The following LNPK variants were observed in gnomAD, a reference collection of about 807,000 sequenced individuals.
LNPK encodes the protein lunapark, ER junction formation factor, also known as endoplasmic reticulum junction formation protein lunapark.
Under a neutral mutation model 55.2 loss-of-function variants are expected in LNPK, and 29 were observed. The ratio of observed to expected loss-of-function variants is 0.53; its 90% CI spans 0.39 to 0.72. LNPK has a LOEUF of 0.72. LNPK is among the 30% of genes least tolerant of loss of function. The probability of loss-of-function intolerance (pLI) is 0.00; values close to 1 mark genes in which losing one functional copy is unlikely to be tolerated. For missense variants in LNPK, 467 were observed against 494.8 expected (o/e 0.94, Z 0.53); for synonymous variants, 162 against 168.2 (o/e 0.96, Z 0.29).
intron 1 of LNPK, among the ~76,000 whole-genome samples, chr2:175,996,960 T>A (rs533284203): frequency 3.9e-5 from 6 of 152,206 alleles, no homozygotes; most frequent in Non-Finnish European, 1.5e-5. Flanking sequence ...TAAAACTACT[T>A]CTTTTCCACC....
chr2:175,968,993 G>C (rs1453720794), intron 6 of LNPK, among the ~76,000 whole-genome samples: 2 of 151,648 alleles, frequency 1.3e-5, no homozygotes, highest in Non-Finnish European at 2.9e-5. Context: ...ACTCCTGCCT[G>C]GGCAACAAGA....
chr2:175,985,893 G>C (rs1285706499), intron 4 of LNPK, among the ~76,000 whole-genome samples: 2 of 152,216 alleles, frequency 1.3e-5, no homozygotes, highest in Non-Finnish European at 2.9e-5. Flanking sequence ...CAAAACTATG[G>C]ATGAAGGAAA....
At chr2:175,959,154 T>C (rs1685869111) in intron 8 of LNPK, among the ~76,000 whole-genome samples, 1 of 152,162 alleles carries the variant, frequency 6.6e-6, no homozygotes, top group Non-Finnish European at 1.5e-5. Flanking sequence ...CAGGATATTA[T>C]CCAGGAGAAC....
Position 175,947,465 on chromosome 2 carries a change from A to T in LNPK, c.706+15T>A. 6.3e-7 allele frequency: 1 copy of T among 1,598,320 alleles called. No homozygotes were observed. Among genetic ancestry groups the T allele is most frequent in the Non-Finnish European group, 8.6e-7 (1 of 1,167,038 alleles). On this transcript the variant is annotated intron_variant, in intron 9 of 12. Coordinates refer to ENST00000272748, the MANE Select transcript of LNPK (RefSeq NM_030650.3). ...AACAATATAAACTGTAAATAACATT[A>T]AGTGCTCTGTTTACCCATTCCAGGC...
chr2:176,002,615 A>G (rs1339811193), upstream of LNPK: 1 of 189,476 alleles, frequency 5.3e-6, no homozygotes, highest in African/African-American at 2.4e-5. Context: ...CGCGCGAGCG[A>G]AGAGTGGGGA....
At chr2:175,971,987 C>T (rs1397612381) in intron 5 of LNPK, among the ~76,000 whole-genome samples, 5 of 152,084 alleles carry the variant, frequency 3.3e-5, no homozygotes, top group Admixed American at 6.6e-5. Flanking sequence ...GGCATGATCT[C>T]GGCTCACTGC....
In LNPK at chr2:175,946,279, TCATTA is replaced by T. The variant is rs576218475; in HGVS notation, c.706+1196_706+1200del. ...TACATTCGCACCCAAAAAAGTTCTT[TCATTA>T]AACAACCAGGAATTTTAATTTACAA... On this transcript the variant is annotated intron_variant, in intron 9 of 12. Transcript: ENST00000272748. 2.0e-5 allele frequency among the ~76,000 whole-genome samples: 3 copies of T among 152,258 alleles called. No individual in the cohort carries two copies. The South Asian group carries it at 6.2e-4, about 32-fold the overall frequency.
At chr2:175,951,540 C>T (rs527289052) in intron 8 of LNPK, among the ~76,000 whole-genome samples, 37 of 142,374 alleles carry the variant, frequency 2.6e-4, no homozygotes, top group African/African-American at 8.8e-4. Context: ...ACTGTGAATG[C>T]TGTTAATTCA....
chr2:175,978,289 G>T (rs1411703697), intron 5 of LNPK, among the ~76,000 whole-genome samples: 2 of 152,134 alleles, frequency 1.3e-5, no homozygotes, highest in African/African-American at 4.8e-5. Context: ...AGGAGGATGT[G>T]TAGGTTACAT....
chr2:175,949,039 T>C (rs1039500207), intron 8 of LNPK, among the ~76,000 whole-genome samples: 3 of 152,194 alleles, frequency 2.0e-5, no homozygotes, highest in African/African-American at 7.2e-5. Flanking sequence ...TGAATACTTA[T>C]TTCAGATGAC....
rs533299897 is a variant in LNPK at position 175,947,690 on chromosome 2, T to C, written c.496A>G (p.Ile166Val). The stretch of plus-strand genomic sequence containing the variant: ...CTTTGAGCTGCAGTTCGCTGACGAA[T>C]CTCTGAGAAGAGTAAGTACATACTA... ...AAVTARPGQEIRQRTAAQRNL... is the reference protein window; with the variant it reads ...AAVTARPGQEVRQRTAAQRNL... Residue 166 changes from isoleucine (I) to valine (V), a missense_variant and splice_region_variant, in exon 9 of 13, where the codon ATT becomes GTT. Ile to Val is a conservative substitution (Grantham distance 29). Coordinates refer to ENST00000272748, the MANE Select transcript of LNPK (RefSeq NM_030650.3). The C allele has an allele frequency of 6.2e-7, 1 of 1,609,556 alleles. No homozygotes were observed. The highest frequency in any genetic ancestry group is 1.3e-5 in the African/African-American group (1 of 74,778).
At position 175,936,379 on chromosome 2, in the gene LNPK, T is replaced by C. The variant is rs76192536; in HGVS notation, c.1054+965A>G. Reference sequence around the variant, plus strand: ...TGAAAATTCACTGCTTCATATAATATTCTCAATTAAAGCAATTTTTACAGT... The same window carrying C: ...TGAAAATTCACTGCTTCATATAATACTCTCAATTAAAGCAATTTTTACAGT... On this transcript the variant is annotated intron_variant, in intron 12 of 12. Coordinates refer to ENST00000272748, the MANE Select transcript of LNPK (RefSeq NM_030650.3). 5.0e-3 allele frequency among the ~76,000 whole-genome samples: 761 copies of C among 152,314 alleles called. 16 individuals are homozygous for C. The East Asian group carries it at 0.063, about 13-fold the overall frequency.
intron 8 of LNPK, among the ~76,000 whole-genome samples, chr2:175,958,438 G>T (rs527759943): frequency 1.8e-4 from 27 of 152,306 alleles, no homozygotes; most frequent in Non-Finnish European, 3.1e-4. Flanking sequence ...GGTCTGGAGT[G>T]GACCTCCAGC....
chr2:175,962,634 A>G lies in LNPK; in HGVS notation c.493+1738T>C, dbSNP rs192891891. 5.4e-3 allele frequency among the ~76,000 whole-genome samples: 825 copies of G among 152,344 alleles called. 6 individuals are homozygous for G. The highest frequency in any genetic ancestry group is 0.019 in the African/African-American group (788 of 41,578). On this transcript the variant is annotated intron_variant, in intron 8 of 12. Transcript: ENST00000272748. ...AAACCTAGGCAATACCATTCAGGAC[A>G]CAGGCATGGGCAAGGACTTCATGTC...
intron 1 of LNPK, among the ~76,000 whole-genome samples, chr2:176,001,695 C>A (rs1443794538): frequency 1.3e-5 from 2 of 152,178 alleles, no homozygotes; most frequent in African/African-American, 4.8e-5. Flanking sequence ...CTCTTGGAGC[C>A]TCCGCACAAC....
At chr2:175,948,399 C>A (rs1685249262) in intron 8 of LNPK, among the ~76,000 whole-genome samples, 1 of 152,202 alleles carries the variant, frequency 6.6e-6, no homozygotes, top group Admixed American at 6.5e-5. Flanking sequence ...CAGGCCAGTT[C>A]TTTTGTTTAC....
chr2:175,930,722 T>C (rs1246151180), intron 12 of LNPK, among the ~76,000 whole-genome samples: 3 of 152,094 alleles, frequency 2.0e-5, no homozygotes, highest in Non-Finnish European at 4.4e-5. Flanking sequence ...GATATACATC[T>C]CTATTATCCA....
intron 8 of LNPK, among the ~76,000 whole-genome samples, chr2:175,954,318 A>T (rs1357241652): frequency 1.3e-5 from 2 of 152,156 alleles, no homozygotes; most frequent in Non-Finnish European, 2.9e-5. Context: ...CTGCTACCCA[A>T]CTTATTTAGA....
chr2:175,985,785 T>A (rs1289179463), intron 4 of LNPK, among the ~76,000 whole-genome samples: 1 of 152,216 alleles, frequency 6.6e-6, no homozygotes, highest in East Asian at 1.9e-4. Context: ...AGAACAAGTA[T>A]AACTATACTG....
Sources: gnomAD v4.1 joint callset for allele counts (sites outside exome capture counted in the v4.1 genomes callset) on GRCh38, gnomAD v4.1.1 for gene constraint, MANE v1.5 for transcripts, NCBI Gene and HGNC (gene_info 2026-07-23, HGNC 2026-07-21) for gene names.